ALDH1L1: variants seen among roughly 807,000 people sequenced by gnomAD.
ALDH1L1 encodes the protein cytosolic 10-formyltetrahydrofolate dehydrogenase.
ALDH1L1 carries 68 observed loss-of-function variants against 101.1 expected under a neutral mutation model. That is an observed-to-expected ratio of 0.67 (90% CI 0.55 to 0.82). ALDH1L1 has a LOEUF of 0.82. Ranked by LOEUF, ALDH1L1 falls within the 40% of genes least tolerant of loss-of-function variation. ALDH1L1 has a pLI of 0.00. For synonymous variants in ALDH1L1, 486 were observed against 470.8 expected (o/e 1.03, Z -0.42); for missense variants, 1,087 against 1,172.7 (o/e 0.93, Z 1.07).
At chr3:126,153,418 C>G in intron 7 of ALDH1L1, 26 bp downstream of exon 7, 3 of 1,611,708 alleles carry the variant, frequency 1.9e-6, no homozygotes, top group Non-Finnish European at 2.5e-6. Context: ...TTTGAGCAGG[C>G]AAGTGACCCA....
intron 10 of ALDH1L1, among the ~76,000 whole-genome samples, chr3:126,137,566 T>G (rs538967426): frequency 6.6e-6 from 1 of 152,376 alleles, no homozygotes; most frequent in South Asian, 2.1e-4. Flanking sequence ...CTTGATCACC[T>G]GCCTTGGGAC....
chr3:126,191,000 C>T (rs948115842), intron 1 of ALDH1L1, among the ~76,000 whole-genome samples: 4 of 152,140 alleles, frequency 2.6e-5, no homozygotes, highest in Admixed American at 2.6e-4. Context: ...ACAGCATACC[C>T]CACCTGACAT....
intron 1 of ALDH1L1, among the ~76,000 whole-genome samples, chr3:126,173,213 TAAC>T (rs2081313889): frequency 6.6e-6 from 1 of 152,200 alleles, no homozygotes; most frequent in African/African-American, 2.4e-5. Flanking sequence ...ATCTGAGAGA[TAAC>T]AATTTGTTCA....
intron 16 of ALDH1L1, among the ~76,000 whole-genome samples, chr3:126,121,922 C>T (rs1360556413): frequency 1.3e-5 from 2 of 152,166 alleles, no homozygotes; most frequent in Non-Finnish European, 2.9e-5. Context: ...GTGACTATGG[C>T]TAAGATGCTG....
intron 4 of ALDH1L1, 41 bp downstream of exon 4, chr3:126,157,302 G>A (rs764923694): frequency 6.9e-6 from 11 of 1,582,818 alleles, no homozygotes; most frequent in Non-Finnish European, 8.6e-6. Flanking sequence ...GCTTGAGGGT[G>A]CGTCGGGGCG....
chr3:126,191,778 T>C (rs1449452672), intron 1 of ALDH1L1, among the ~76,000 whole-genome samples: 1 of 152,170 alleles, frequency 6.6e-6, no homozygotes, highest in African/African-American at 2.4e-5. Flanking sequence ...AGGCTTTCCA[T>C]CAAAACTTTG....
At position 126,109,928 on chromosome 3, in the gene ALDH1L1, A is replaced by C; in HGVS notation, c.2347+16T>G. 1 of 1,613,040 alleles carries C rather than the reference A, an allele frequency of 6.2e-7. No individual in the cohort carries two copies. ...GCCTCAATTGACCCAAGCGGACCTG[A>C]CACACTCTGACTCACCTGGCCGAGG... On this transcript the variant is annotated intron_variant, in intron 20 of 22. Coordinates refer to ENST00000393434, the MANE Select transcript of ALDH1L1 (RefSeq NM_012190.4).
At chr3:126,153,852 G>C (rs2080855052) in intron 6 of ALDH1L1, among the ~76,000 whole-genome samples, 1 of 152,222 alleles carries the variant, frequency 6.6e-6, no homozygotes. Context: ...CCTCAGACCT[G>C]AGGTGCACAG....
intron 4 of ALDH1L1, 118 bp from the exon 5 acceptor site, chr3:126,155,621 G>T: frequency 2.6e-6 from 2 of 775,326 alleles, no homozygotes; most frequent in South Asian, 2.1e-5. Flanking sequence ...CTGGTACACA[G>T]CAGTCACCCA....
chr3:126,185,612 T>C (rs896064651), upstream of ALDH1L1, among the ~76,000 whole-genome samples: 1 of 149,210 alleles, frequency 6.7e-6, no homozygotes, highest in Non-Finnish European at 1.5e-5. Flanking sequence ...TGGGTTGTTT[T>C]TGAGGAATCA....
intron 16 of ALDH1L1, among the ~76,000 whole-genome samples, chr3:126,120,196 A>G (rs2080051558): frequency 6.6e-6 from 1 of 152,264 alleles, no homozygotes; most frequent in South Asian, 2.1e-4. Context: ...CGGCAGCTTT[A>G]CTCAGAATTG....
rs80303230 is a variant in ALDH1L1, at chr3:126,122,430, G to C, written c.1888+1934C>G. Among the ~76,000 whole-genome samples, 576 of 152,140 alleles carry C rather than the reference G, an allele frequency of 3.8e-3. 1 individual carries two copies. Among genetic ancestry groups the C allele is most frequent in the Non-Finnish European group, 5.9e-3 (404 of 68,012 alleles). Reference sequence around the variant, plus strand: ...AATAAAAGCAGAAAGGAGGTAGGTGGGAATAAAACTTAAATGGAGTAAGGA... The same window carrying C: ...AATAAAAGCAGAAAGGAGGTAGGTGCGAATAAAACTTAAATGGAGTAAGGA... On this transcript the variant is annotated intron_variant, in intron 16 of 22. Transcript: ENST00000393434.
chr3:126,148,744 C>T (rs1202411199), intron 8 of ALDH1L1, among the ~76,000 whole-genome samples: 2 of 152,178 alleles, frequency 1.3e-5, no homozygotes, highest in Admixed American at 6.5e-5. Flanking sequence ...CGCCGCTCTT[C>T]CAGGAGGATC....
chr3:126,124,784 G>A (rs1334159872), intron 15 of ALDH1L1, among the ~76,000 whole-genome samples: 3 of 152,214 alleles, frequency 2.0e-5, no homozygotes, highest in Non-Finnish European at 4.4e-5. Context: ...AGGGTTGTGT[G>A]TGATGCTTAA....
chr3:126,180,398 C>G (rs2081453287), intron 1 of ALDH1L1, 78 bp downstream of exon 1: 3 of 971,796 alleles, frequency 3.1e-6, no homozygotes, highest in Admixed American at 5.9e-5. Flanking sequence ...CCTGGAGCCC[C>G]CGGAGCCCCC....
exon 1 of ALDH1L1, chr3:126,180,567 AGCCAGGAGGTGGGACCTGTCCCC>A (rs1183243426): frequency 8.9e-7 from 1 of 1,121,760 alleles, no homozygotes; most frequent in Non-Finnish European, 1.1e-6. Context: ...CCGTCCTGGG[AGCCAGGAGGTGGGACCTGTCCCC>A]GCCAGTCCGC....
intron 14 of ALDH1L1, chr3:126,129,081 A>T (rs6787161): frequency 0.64 from 96,725 of 152,292 alleles, 30,825 homozygotes; most frequent in Middle Eastern, 0.7. Flanking sequence ...ACCCCCTCTG[A>T]TGGGACAACC....
intron 1 of ALDH1L1, among the ~76,000 whole-genome samples, chr3:126,189,454 A>G (rs1334854911): frequency 1.3e-5 from 2 of 152,170 alleles, no homozygotes; most frequent in Non-Finnish European, 2.9e-5. Context: ...CACTTCCAGG[A>G]AACTTGAGAG....
At chr3:126,153,176 C>T (rs1366399617) in intron 7 of ALDH1L1, 7 of 508,154 alleles carry the variant, frequency 1.4e-5, no homozygotes, top group African/African-American at 1.9e-5. Flanking sequence ...GACACCCACA[C>T]AGGGCACTCA....
Sources: allele counts gnomAD v4.1 joint callset (sites outside exome capture counted in the v4.1 genomes callset), GRCh38; gene constraint gnomAD v4.1.1; transcripts MANE v1.5; gene names NCBI Gene and HGNC (gene_info 2026-07-23, HGNC 2026-07-21).